The following GPR137 variants were observed in gnomAD, a reference collection of about 807,000 sequenced individuals.
GPR137 encodes the protein G protein-coupled receptor 137, also known as integral membrane protein GPR137.
GPR137 carries 20 observed loss-of-function variants against 38.9 expected under a neutral mutation model. The ratio of observed to expected loss-of-function variants is 0.51; its 90% CI spans 0.36 to 0.75. The LOEUF (loss-of-function observed/expected upper bound fraction) is 0.75. GPR137 is among the 30% of genes least tolerant of loss of function. GPR137 has a pLI of 0.00. For missense variants in GPR137, 456 were observed against 526.4 expected (o/e 0.87, Z 1.31); for synonymous variants, 226 against 235.8 (o/e 0.96, Z 0.38).
chr11:64,279,804 C>CT (rs1406143757), upstream of GPR137, among the ~76,000 whole-genome samples: 1 of 150,732 alleles, frequency 6.6e-6, no homozygotes, highest in Non-Finnish European at 1.5e-5. Flanking sequence ...ATCCCACCCT[C>CT]TAGGGTAGCC....
chr11:64,285,234 C>T (rs1742415793), upstream of GPR137: 3 of 987,418 alleles, frequency 3.0e-6, no homozygotes, highest in African/African-American at 3.5e-5. Flanking sequence ...GGACACCTCC[C>T]GCGCCATCTC....
At chr11:64,285,343 G>A, upstream of GPR137, 6 of 985,194 alleles carry the variant, frequency 6.1e-6, no homozygotes, top group Non-Finnish European at 6.0e-6. Flanking sequence ...GGACCGTAGG[G>A]CCCGTGGGGG....
chr11:64,286,812 G>A lies in GPR137; in HGVS notation c.288G>A (p.Trp96Ter). ...ACCGCCTGGGGCCCTTGCCCTTCTG[G>A]CTTCTCTACTGCTGCCCCGTCTGCC... is the stretch of plus-strand genomic sequence containing the variant. The part of the protein sequence containing the change: ...RANRLGPLPF[W>*]LLYCCPVCLQ... The change falls in exon 1 of 7, where the codon TGG (tryptophan) becomes TGA (stop). Residue 96 changes from tryptophan to a stop codon, truncating the protein, a stop_gained. Transcript: ENST00000438980. LOFTEE classifies it high-confidence loss of function. 6.2e-7 allele frequency: 1 copy of A among 1,602,128 alleles called. No individual in the cohort carries two copies.
At chr11:64,273,709 G>A (rs748689997), upstream of GPR137, among the ~76,000 whole-genome samples, 7 of 151,816 alleles carry the variant, frequency 4.6e-5, no homozygotes, top group Admixed American at 2.0e-4. Context: ...GTAAAACCCC[G>A]TCTCTACTAA....
chr11:64,284,198 G>A, upstream of GPR137: 1 of 1,600,818 alleles, frequency 6.2e-7, no homozygotes, highest in Non-Finnish European at 8.5e-7. Flanking sequence ...GATGGCTGCT[G>A]CTGGTTGGCT....
At chr11:64,281,061 G>A (rs564605879), upstream of GPR137, among the ~76,000 whole-genome samples, 11 of 151,798 alleles carry the variant, frequency 7.2e-5, no homozygotes, top group African/African-American at 2.7e-4. Context: ...TCCGCCTCCC[G>A]GGCTCACGCC....
rs78783096 is a variant in GPR137 at position 64,286,992 on chromosome 11, C to G, written c.385C>G (p.Arg129Gly). The change falls in exon 2 of 7, where the codon CGG becomes GGG. Residue 129 changes from arginine (R) to glycine (G), a missense_variant. Coordinates refer to ENST00000438980, the MANE Select transcript of GPR137 (RefSeq NM_001170880.2). ...GGTGTTCAAGGCCAAGGTGAAGCGTCGGCCGGAGATGAGCCGAGGCTTGTA... is the reference window on the plus strand; with the variant it reads ...GGTGTTCAAGGCCAAGGTGAAGCGTGGGCCGGAGATGAGCCGAGGCTTGTA... ...QVVFKAKVKR[R>G]PEMSRGLLAV... 1 of 1,613,844 alleles carries G rather than the reference C, an allele frequency of 6.2e-7. No individual in the cohort carries two copies. The highest frequency in any genetic ancestry group is 1.7e-5 in the Admixed American group (1 of 60,012).
At chr11:64,279,016 G>A (rs1294647481) in intron 2 of GPR137, among the ~76,000 whole-genome samples, 3 of 152,162 alleles carry the variant, frequency 2.0e-5, no homozygotes, top group African/African-American at 4.8e-5. Context: ...TCTTTCCTAC[G>A]GGTCTGCAGC....
upstream of GPR137, chr11:64,285,389 G>A (rs1288192928): frequency 1.6e-5 from 16 of 984,944 alleles, no homozygotes; most frequent in South Asian, 7.0e-4. Flanking sequence ...AGGTGAGCAG[G>A]GCCGCGGGCG....
In GPR137 at chr11:64,289,202, C is replaced by T. The variant is rs551479017; in HGVS notation, c.*6C>T. The T allele has an allele frequency of 3.1e-6, 5 of 1,611,610 alleles. No individual in the cohort carries two copies. The East Asian group carries it at 6.7e-5, about 22-fold the overall frequency. ...ACTCCACCCCACAGACGTGATCCCC[C>T]TCCCTCCCCCACAGAATACCCAGGC... On this transcript the variant is annotated 3_prime_UTR_variant, in exon 7 of 7. Coordinates refer to ENST00000438980, the MANE Select transcript of GPR137 (RefSeq NM_001170880.2).
intron 1 of GPR137, chr11:64,275,870 GTATT>G (rs1405436858): frequency 6.6e-6 from 1 of 152,068 alleles, no homozygotes; most frequent in Non-Finnish European, 1.5e-5. Context: ...CCCTCCCTGT[GTATT>G]CATTCATTTG....
upstream of GPR137, chr11:64,284,865 TCA>T (rs2033778500): frequency 3.3e-5 from 49 of 1,485,880 alleles, no homozygotes; most frequent in Admixed American, 6.7e-5. Flanking sequence ...GCCCCGGGGC[TCA>T]CATCCTCGCT....
upstream of GPR137, among the ~76,000 whole-genome samples, chr11:64,281,380 T>C (rs2033459882): frequency 6.6e-6 from 1 of 152,220 alleles, no homozygotes; most frequent in South Asian, 2.1e-4. Context: ...AATCCAGGGA[T>C]CAGCTACTTC....
chr11:64,276,616 G>A (rs565885619), intron 2 of GPR137: 8 of 303,782 alleles, frequency 2.6e-5, no homozygotes, highest in South Asian at 4.9e-5. Flanking sequence ...CGTGAGCCAC[G>A]GTGCCCAGCC....
chr11:64,284,742 C>G, upstream of GPR137: 9 of 1,535,772 alleles, frequency 5.9e-6, no homozygotes, highest in Non-Finnish European at 7.8e-6. Flanking sequence ...CTGGCCCAAT[C>G]ACCTCTCGGA....
intron 2 of GPR137, 116 bp from the exon 3 acceptor site, chr11:64,287,605 G>A: frequency 6.5e-7 from 1 of 1,537,468 alleles, no homozygotes; most frequent in South Asian, 1.2e-5. Flanking sequence ...TGGAGGAACA[G>A]GGCTCAGACT....
upstream of GPR137, chr11:64,284,322 C>G (rs2033697102): frequency 1.2e-6 from 2 of 1,612,674 alleles, no homozygotes; most frequent in Non-Finnish European, 1.7e-6. Flanking sequence ...CTCTGCAGAG[C>G]TGGAGTCTTC....
Position 64,289,301 on chromosome 11 carries a change from G to A in GPR137, c.*105G>A. On this transcript the variant is annotated 3_prime_UTR_variant, in exon 7 of 7. Coordinates refer to ENST00000438980, the MANE Select transcript of GPR137 (RefSeq NM_001170880.2). ...CTTGCCCAGGATCCTGGGGGTCGTG[G>A]CTACCCCCTCCTCTGGCCGGCTCCT... The A allele has an allele frequency of 6.2e-7, 1 of 1,612,990 alleles. No individual in the cohort carries two copies. The highest frequency in any genetic ancestry group is 8.5e-7 in the Non-Finnish European group (1 of 1,179,744).
chr11:64,278,917 C>T (rs565944112), intron 2 of GPR137, among the ~76,000 whole-genome samples: 6 of 152,322 alleles, frequency 3.9e-5, no homozygotes, highest in Admixed American at 2.6e-4. Flanking sequence ...TCTGGGAAAC[C>T]ACTTGCTTTT....
Sources: gnomAD v4.1 joint callset for allele counts (sites outside exome capture counted in the v4.1 genomes callset) on GRCh38, gnomAD v4.1.1 for gene constraint, MANE v1.5 for transcripts, NCBI Gene and HGNC (gene_info 2026-07-23, HGNC 2026-07-21) for gene names.